Variants in SLC9A1 observed in about 807,000 individuals in gnomAD.
SLC9A1 encodes the protein solute carrier family 9 member A1.
In SLC9A1, 22 loss-of-function variants were observed where a neutral mutation model predicts 67.9. The observed-to-expected ratio is 0.32, with a 90% CI of 0.23 to 0.46. The LOEUF (loss-of-function observed/expected upper bound fraction) is 0.46, where lower values mean the gene tolerates loss of function less well. SLC9A1 is among the 20% of genes least tolerant of loss of function. SLC9A1 has a pLI of 1.00. For missense variants in SLC9A1, 686 were observed against 1,094.8 expected (o/e 0.63, Z 5.27); for synonymous variants, 421 against 471.8 (o/e 0.89, Z 1.40).
intron 5 of SLC9A1, among the ~76,000 whole-genome samples, chr1:27,104,271 A>C (rs1211619202): frequency 6.6e-6 from 1 of 152,050 alleles, no homozygotes; most frequent in Non-Finnish European, 1.5e-5. Flanking sequence ...TAGTAGAAAC[A>C]GGGTTTCACC....
At chr1:27,117,571 G>A (rs1322232675) in intron 1 of SLC9A1, among the ~76,000 whole-genome samples, 3 of 152,202 alleles carry the variant, frequency 2.0e-5, no homozygotes, top group Non-Finnish European at 4.4e-5. Flanking sequence ...TGCCTGGGGA[G>A]GGGGCAGGCA....
chr1:27,130,927 AG>A lies in SLC9A1; in HGVS notation c.353-16642del, dbSNP rs2083379784. Among the ~76,000 whole-genome samples the A allele has an allele frequency of 2.0e-5, 3 of 152,314 alleles. No homozygotes were observed. In the South Asian group the frequency reaches 6.2e-4, roughly 32 times the overall value. ...GGCCAAGGGCTCCAGGCAGGCTGAGAGGTTGCCTGCCTGCCTACTTGTCTGC... is the reference window on the plus strand; with the variant it reads ...GGCCAAGGGCTCCAGGCAGGCTGAGAGTTGCCTGCCTGCCTACTTGTCTGC... On this transcript the variant is annotated intron_variant, in intron 1 of 11. Coordinates refer to ENST00000263980, the MANE Select transcript of SLC9A1 (RefSeq NM_003047.5).
At chr1:27,149,628 C>A (rs1274101905) in intron 1 of SLC9A1, among the ~76,000 whole-genome samples, 1 of 152,198 alleles carries the variant, frequency 6.6e-6, no homozygotes, top group Non-Finnish European at 1.5e-5. Flanking sequence ...CTGCACGGCC[C>A]TGAAAGTTAC....
At position 27,154,128 on chromosome 1, in the gene SLC9A1, T is replaced by C. The variant is rs912353533; in HGVS notation, c.207A>G (p.Pro69=). The change falls in exon 1 of 12, where the codon CCA becomes CCG. Residue 69 remains proline (P), a synonymous_variant. Coordinates refer to ENST00000263980, the MANE Select transcript of SLC9A1 (RefSeq NM_003047.5). ...DVTTAPPEVT[P]ESRPVNHSVT... ...CGGAATGATTAACAGGGCGGCTCTC[T>C]GGGGTGACCTCCGGTGGAGCGGTGG... 7 of 1,613,996 alleles carry C rather than the reference T, an allele frequency of 4.3e-6. No individual in the cohort carries two copies. The highest frequency in any genetic ancestry group is 5.1e-6 in the Non-Finnish European group (6 of 1,179,994).
rs186895362 is a variant in SLC9A1 at position 27,111,091 on chromosome 1, G to A, written c.814-1314C>T. 5.1e-4 allele frequency among the ~76,000 whole-genome samples: 78 copies of A among 152,324 alleles called. 1 individual carries two copies. The East Asian group carries it at 0.014, about 27-fold the overall frequency. On this transcript the variant is annotated intron_variant, in intron 2 of 11. Coordinates refer to ENST00000263980, the MANE Select transcript of SLC9A1 (RefSeq NM_003047.5). ...AGACCTGACTTGGGCCAGGCAGCAA[G>A]GGGAGATGCAGAGCACTGGCCAGGC...
chr1:27,113,589 T>C lies in SLC9A1; in HGVS notation c.813+237A>G, dbSNP rs897604175. Among the ~76,000 whole-genome samples the C allele has an allele frequency of 2.6e-4, 40 of 152,204 alleles. 1 individual carries two copies. The highest frequency in any genetic ancestry group is 4.4e-5 in the Non-Finnish European group (3 of 68,028). ...TACTCCAACAGGTTATTTAACTTCTTTGGGCCTGTGTCTCCCCTGGAAAAT... is the reference window on the plus strand; with the variant it reads ...TACTCCAACAGGTTATTTAACTTCTCTGGGCCTGTGTCTCCCCTGGAAAAT... On this transcript the variant is annotated intron_variant, in intron 2 of 11. Coordinates refer to ENST00000263980, the MANE Select transcript of SLC9A1 (RefSeq NM_003047.5).
chr1:27,126,895 G>T (rs1178545633), intron 1 of SLC9A1, among the ~76,000 whole-genome samples: 1 of 152,220 alleles, frequency 6.6e-6, no homozygotes, highest in Non-Finnish European at 1.5e-5. Context: ...TTCCTTGAAG[G>T]AAGGGTGAGA....
At chr1:27,120,874 A>C (rs1232878731) in intron 1 of SLC9A1, among the ~76,000 whole-genome samples, 2 of 152,138 alleles carry the variant, frequency 1.3e-5, no homozygotes, top group Non-Finnish European at 2.9e-5. Flanking sequence ...AATTTGACAG[A>C]TGAAGAAATC....
At position 27,100,399 on chromosome 1, in the gene SLC9A1, G is replaced by A. The variant is rs763838164; in HGVS notation, c.2356C>T (p.Pro786Ser). 4.9e-5 allele frequency: 78 copies of A among 1,602,216 alleles called. No homozygotes were observed. The highest frequency in any genetic ancestry group is 6.6e-5 in the Non-Finnish European group (77 of 1,173,684). ...CAGCGCTGTATCCTCTGGGAGCTGG[G>A]GCTGTCACTGGGCGCGGGGGTGAAG... ...DVFTPAPSDS[P>S]SSQRIQRCLS... The change falls in exon 12 of 12, where the codon CCC becomes TCC. Residue 786 changes from proline to serine, a missense_variant. Transcript: ENST00000263980. The surrounding 1 kb of genome is among the most constrained non-coding windows in gnomAD (Gnocchi z 5.6).
intron 1 of SLC9A1, among the ~76,000 whole-genome samples, chr1:27,136,214 C>T (rs939215227): frequency 6.6e-6 from 1 of 152,242 alleles, no homozygotes; most frequent in African/African-American, 2.4e-5. Flanking sequence ...CCTGGCTCTC[C>T]AGAAGCCTCA....
intron 1 of SLC9A1, among the ~76,000 whole-genome samples, chr1:27,150,068 G>A (rs1452928578): frequency 6.6e-6 from 1 of 152,130 alleles, no homozygotes; most frequent in African/African-American, 2.4e-5. Context: ...AGTCCTATCT[G>A]GGCTTCTTGA....
chr1:27,137,273 A>G lies in SLC9A1; in HGVS notation c.352+16710T>C, dbSNP rs1231524009. Among the ~76,000 whole-genome samples, 1 of 152,228 alleles carries G rather than the reference A, an allele frequency of 6.6e-6. No homozygotes were observed. Among genetic ancestry groups the G allele is most frequent in the Admixed American group, 6.5e-5 (1 of 15,286 alleles). The stretch of plus-strand genomic sequence containing the variant: ...CCTCTGCGGAGGGAACGATGTGGGA[A>G]GAAGGACCACTTATAGCATCACAGG... On this transcript the variant is annotated intron_variant, in intron 1 of 11. Transcript: ENST00000263980. The surrounding 1 kb of genome is among the most constrained non-coding windows in gnomAD (Gnocchi z 4.6).
intron 1 of SLC9A1, among the ~76,000 whole-genome samples, chr1:27,142,610 C>T (rs949352137): frequency 5.3e-5 from 8 of 152,178 alleles, no homozygotes; most frequent in Non-Finnish European, 8.8e-5. Flanking sequence ...AGAGGTGTGC[C>T]TGGGCCCTAG....
chr1:27,100,596 T>C lies in SLC9A1; in HGVS notation c.2159A>G (p.Asp720Gly). The part of the protein sequence containing the change: ...PKEDLPVITI[D>G]PASPQSPESV... ...CTCGGGTGACTGCGGGGAAGCCGGG[T>C]CGATGGTGATGACAGGCAGGTCCTC... The change falls in exon 12 of 12, where the codon GAC becomes GGC. Residue 720 changes from aspartate (D) to glycine (G), a missense_variant. Asp to Gly is a moderately conservative substitution (Grantham distance 94). Coordinates refer to ENST00000263980, the MANE Select transcript of SLC9A1 (RefSeq NM_003047.5). This position sits in a 1 kb window ranked among gnomAD's most constrained non-coding sequence, Gnocchi z 5.6. 1.2e-6 allele frequency: 2 copies of C among 1,613,372 alleles called. No homozygotes were observed. Among genetic ancestry groups the C allele is most frequent in the Non-Finnish European group, 1.7e-6 (2 of 1,179,632 alleles).
intron 1 of SLC9A1, among the ~76,000 whole-genome samples, chr1:27,138,679 G>A (rs933004958): frequency 1.2e-4 from 18 of 152,148 alleles, no homozygotes; most frequent in African/African-American, 4.3e-4. Flanking sequence ...AAATGCCACA[G>A]CTGTATGGAG....
chr1:27,131,396 C>T (rs2083383097), intron 1 of SLC9A1, among the ~76,000 whole-genome samples: 1 of 141,826 alleles, frequency 7.1e-6, no homozygotes, highest in Admixed American at 7.3e-5. Context: ...GAGTTCAAGA[C>T]CAGCCTGGCC....
chr1:27,145,500 T>C (rs1349623749), intron 1 of SLC9A1, among the ~76,000 whole-genome samples: 1 of 152,266 alleles, frequency 6.6e-6, no homozygotes, highest in Non-Finnish European at 1.5e-5. Flanking sequence ...CAGCAAATGC[T>C]ATGCAAGTGT....
At chr1:27,126,491 C>T (rs1173968983) in intron 1 of SLC9A1, among the ~76,000 whole-genome samples, 1 of 152,148 alleles carries the variant, frequency 6.6e-6, no homozygotes, top group African/African-American at 2.4e-5. Context: ...AGGTGCTGCT[C>T]AGCAGTTTTT....
intron 1 of SLC9A1, among the ~76,000 whole-genome samples, chr1:27,141,985 A>C (rs2124203835): frequency 6.6e-6 from 1 of 152,348 alleles, no homozygotes; most frequent in South Asian, 2.1e-4. Context: ...GTGAAGGCAG[A>C]AGCCTCTGGG....
Sources: gnomAD v4.1 joint callset for allele counts (sites outside exome capture counted in the v4.1 genomes callset) on GRCh38, gnomAD v4.1.1 for gene constraint, Gnocchi (gnomAD v3.1) non-coding constraint, MANE v1.5 for transcripts, NCBI Gene and HGNC (gene_info 2026-07-23, HGNC 2026-07-21) for gene names.